The following C8orf34 variants were observed in gnomAD, a reference collection of about 807,000 sequenced individuals.
C8orf34 encodes uncharacterized protein C8orf34.
A neutral mutation model predicts 68.3 loss-of-function variants in C8orf34; 65 were observed. That is an observed-to-expected ratio of 0.95 (90% CI 0.78 to 1.17). The LOEUF is 1.17. Ranked by LOEUF, C8orf34 falls within the 50% of genes most tolerant of loss-of-function variation. The pLI is 0.00. For missense variants in C8orf34, 664 were observed against 655.4 expected, an observed-to-expected ratio of 1.01 and a Z score of -0.14; for synonymous variants, 244 against 241.2, an observed-to-expected ratio of 1.01 and a Z score of -0.11.
chr8:68,763,789 A>G (rs7821966), intron 10 of C8orf34, among the ~76,000 whole-genome samples: 43,530 of 152,106 alleles, frequency 0.29, 6,739 homozygotes, highest in African/African-American at 0.39. Context: ...GGAGAGATTC[A>G]GGTACCAAGC....
At chr8:68,816,535 C>G (rs959463700) in intron 13 of C8orf34, among the ~76,000 whole-genome samples, 1 of 152,120 alleles carries the variant, frequency 6.6e-6, no homozygotes, top group African/African-American at 2.4e-5. Context: ...TTAGAACCAG[C>G]TACTCCTTCC....
intron 1 of C8orf34, among the ~76,000 whole-genome samples, chr8:68,397,799 C>T (rs188811431): frequency 8.5e-4 from 130 of 152,246 alleles, no homozygotes; most frequent in African/African-American, 2.9e-3. Context: ...GACAAAGTCT[C>T]ACTCTGTTGC....
At chr8:68,379,509 A>G (rs118027937) in intron 1 of C8orf34, among the ~76,000 whole-genome samples, 3,415 of 152,322 alleles carry the variant, frequency 0.022, 49 homozygotes, top group Non-Finnish European at 0.035. Context: ...GATCTGAAAT[A>G]CCATTTTATT....
chr8:68,741,689 T>C (rs1308256715), intron 10 of C8orf34, among the ~76,000 whole-genome samples: 1 of 152,114 alleles, frequency 6.6e-6, no homozygotes, highest in African/African-American at 2.4e-5. Context: ...TTGTTTTAAT[T>C]TTTAGCTCCC....
chr8:68,439,709 T>G (rs1283420975), intron 2 of C8orf34, 63 bp downstream of exon 2: 3 of 1,462,252 alleles, frequency 2.1e-6, no homozygotes, highest in Non-Finnish European at 2.8e-6. Context: ...TTCAAAACTC[T>G]TTTTGATACT....
At chr8:68,525,840 G>A (rs1226413758) in intron 6 of C8orf34, 1 of 391,902 alleles carries the variant, frequency 2.6e-6, no homozygotes, top group African/African-American at 2.1e-5. Context: ...AGAACCTGGT[G>A]TTTGTCTCTC....
At chr8:68,710,735 C>T (rs951938153) in intron 9 of C8orf34, among the ~76,000 whole-genome samples, 3 of 152,144 alleles carry the variant, frequency 2.0e-5, no homozygotes, top group African/African-American at 7.2e-5. Context: ...TTCTTGGGAG[C>T]TCTATGGCCC....
chr8:68,415,434 T>C (rs888261968), intron 1 of C8orf34, among the ~76,000 whole-genome samples: 5 of 151,912 alleles, frequency 3.3e-5, no homozygotes, highest in Admixed American at 2.6e-4. Flanking sequence ...GAGCTGAGAT[T>C]GTGCCATTGC....
At chr8:68,673,866 G>T (rs1324881019) in intron 8 of C8orf34, among the ~76,000 whole-genome samples, 1 of 152,168 alleles carries the variant, frequency 6.6e-6, no homozygotes, top group Non-Finnish European at 1.5e-5. Flanking sequence ...ACTCGGCACA[G>T]TCCCAGCTGT....
chr8:68,763,239 A>T (rs954485636), intron 10 of C8orf34, among the ~76,000 whole-genome samples: 1 of 152,202 alleles, frequency 6.6e-6, no homozygotes, highest in Non-Finnish European at 1.5e-5. Flanking sequence ...GTGGAATGTG[A>T]TTGCAGTGAT....
At chr8:68,709,882 C>T (rs185089883) in intron 9 of C8orf34, among the ~76,000 whole-genome samples, 10 of 152,232 alleles carry the variant, frequency 6.6e-5, no homozygotes, top group East Asian at 1.9e-4. Context: ...AGGTACATCA[C>T]GTCTTCATCA....
intron 10 of C8orf34, among the ~76,000 whole-genome samples, chr8:68,726,020 T>C (rs6995490): frequency 0.31 from 47,344 of 152,008 alleles, 7,487 homozygotes; most frequent in Middle Eastern, 0.39. Flanking sequence ...GCAATTCTCA[T>C]GGCTCTGGCT....
At chr8:68,772,851 C>CCT (rs1823392590) in intron 10 of C8orf34, among the ~76,000 whole-genome samples, 1 of 148,052 alleles carries the variant, frequency 6.8e-6, no homozygotes, top group Non-Finnish European at 1.5e-5. Flanking sequence ...TTCTCTCTTT[C>CCT]TCTCCTTCCT....
At chr8:68,794,506 T>TATATATATATATATATATATACATACA (rs58048066) in intron 12 of C8orf34, among the ~76,000 whole-genome samples, 3 of 59,034 alleles carry the variant, frequency 5.1e-5, no homozygotes, top group African/African-American at 3.1e-4. Context: ...TATATATATA[T>TATATATATATATATATATATACATACA]TTTTTTTTTT....
intron 1 of C8orf34, among the ~76,000 whole-genome samples, chr8:68,435,085 T>A (rs1318863694): frequency 6.6e-6 from 1 of 150,452 alleles, no homozygotes; most frequent in Non-Finnish European, 1.5e-5. Flanking sequence ...TTCATTTTAT[T>A]ATCAGAAAAT....
chr8:68,467,038 T>C (rs1320698903), intron 3 of C8orf34, among the ~76,000 whole-genome samples: 1 of 151,900 alleles, frequency 6.6e-6, no homozygotes, highest in Admixed American at 6.6e-5. Context: ...TAACCTGCAA[T>C]CACTTTCACC....
At chr8:68,355,827 A>G (rs1029252306) in intron 1 of C8orf34, among the ~76,000 whole-genome samples, 16 of 152,216 alleles carry the variant, frequency 1.1e-4, no homozygotes, top group African/African-American at 3.1e-4. Context: ...TCATATAATT[A>G]GAAAACAATC....
At chr8:68,428,598 A>G (rs1206634065) in intron 1 of C8orf34, among the ~76,000 whole-genome samples, 1 of 152,118 alleles carries the variant, frequency 6.6e-6, no homozygotes, top group Non-Finnish European at 1.5e-5. Context: ...AAAAAATTTC[A>G]GTCAAAAAAG....
intron 1 of C8orf34, among the ~76,000 whole-genome samples, chr8:68,384,949 G>C (rs7845014): frequency 6.6e-6 from 1 of 152,106 alleles, no homozygotes; most frequent in Non-Finnish European, 1.5e-5. Flanking sequence ...TTACACACCA[G>C]AAAATAGGGT....
Sources: allele counts gnomAD v4.1 joint callset (sites outside exome capture counted in the v4.1 genomes callset), GRCh38; gene constraint gnomAD v4.1.1; transcripts MANE v1.5; gene names NCBI Gene and HGNC (gene_info 2026-07-23, HGNC 2026-07-21).